The following FGF12 variants were observed in gnomAD, a reference collection of about 807,000 sequenced individuals.
The protein encoded by FGF12 is fibroblast growth factor 12B.
FGF12 carries 14 observed loss-of-function variants against 23.6 expected under a neutral mutation model. The observed-to-expected ratio is 0.59, with a 90% CI of 0.39 to 0.93. The LOEUF (loss-of-function observed/expected upper bound fraction) is 0.93, where lower values mean the gene tolerates loss of function less well. Ranked by LOEUF, FGF12 falls within the 40% of genes least tolerant of loss-of-function variation. The pLI is 0.00. For missense variants in FGF12, 175 were observed against 217.8 expected, an observed-to-expected ratio of 0.80 and a Z score of 1.24; for synonymous variants, 62 against 77.3, an observed-to-expected ratio of 0.80 and a Z score of 1.04.
intron 2 of FGF12, among the ~76,000 whole-genome samples, chr3:192,476,505 G>A (rs2108816633): frequency 6.6e-6 from 1 of 152,262 alleles, no homozygotes; most frequent in East Asian, 1.9e-4. Context: ...TTGATCAATG[G>A]CATTAAGTCC....
intron 2 of FGF12, among the ~76,000 whole-genome samples, chr3:192,573,761 GAAAC>G (rs1257714185): frequency 1.3e-5 from 2 of 152,244 alleles, no homozygotes; most frequent in East Asian, 3.9e-4. Flanking sequence ...TTGGGTATAA[GAAAC>G]AAACAGAGCA....
chr3:192,386,943 G>A (rs115987209), intron 2 of FGF12, among the ~76,000 whole-genome samples: 5 of 152,146 alleles, frequency 3.3e-5, no homozygotes, highest in African/African-American at 4.8e-5. Context: ...TCAAACCTTC[G>A]ATAAGGTTGA....
At chr3:192,712,690 TA>T (rs1317670794) in intron 2 of FGF12, among the ~76,000 whole-genome samples, 1 of 151,886 alleles carries the variant, frequency 6.6e-6, no homozygotes, top group Non-Finnish European at 1.5e-5. Context: ...AAAATGAAGA[TA>T]TTTTCCGATA....
In FGF12 at chr3:192,314,838, A is replaced by G. The variant is rs767919558; in HGVS notation, c.228+20523T>C. ...CACCTCAAATTACCCACTGAGTTAC[A>G]TGTAGAATTATGTGGAAGGCATGTG... On this transcript the variant is annotated intron_variant, in intron 4 of 5. Transcript: ENST00000445105. Among the ~76,000 whole-genome samples the G allele has an allele frequency of 3.9e-5, 6 of 152,202 alleles. No individual in the cohort carries two copies. The East Asian group carries it at 5.8e-4, about 15-fold the overall frequency.
At chr3:192,643,652 T>A (rs1715887306) in intron 2 of FGF12, among the ~76,000 whole-genome samples, 1 of 152,240 alleles carries the variant, frequency 6.6e-6, no homozygotes, top group Non-Finnish European at 1.5e-5. Context: ...GAATTCTTAA[T>A]GAACTTTATT....
In FGF12 at chr3:192,671,968, C is replaced by A. The variant is rs148105748; in HGVS notation, c.13+55213G>T. On this transcript the variant is annotated intron_variant, in intron 2 of 5. Transcript: ENST00000445105. Reference sequence around the variant, plus strand: ...CTATCACCATAGCAAGGAATTCATACAGACAAATTTCTTTATTTCACTGAT... The same window carrying A: ...CTATCACCATAGCAAGGAATTCATAAAGACAAATTTCTTTATTTCACTGAT... Among the ~76,000 whole-genome samples, 126 of 152,298 alleles carry A rather than the reference C, an allele frequency of 8.3e-4. 1 individual carries two copies. In the East Asian group the frequency reaches 0.018, roughly 22 times the overall value.
chr3:192,507,314 T>G (rs1210707766), intron 2 of FGF12, among the ~76,000 whole-genome samples: 1 of 147,702 alleles, frequency 6.8e-6, no homozygotes, highest in African/African-American at 2.5e-5. Flanking sequence ...CATTAGCAAT[T>G]TTTAATGCAT....
chr3:192,144,314 C>T (rs1026279097), intron 5 of FGF12, among the ~76,000 whole-genome samples, 187 bp from the exon 6 acceptor site: 1 of 152,074 alleles, frequency 6.6e-6, no homozygotes, highest in African/African-American at 2.4e-5. Flanking sequence ...TCAGTCACAA[C>T]CTTTTAAACT....
At chr3:192,678,491 A>G (rs1006288845) in intron 2 of FGF12, among the ~76,000 whole-genome samples, 2 of 152,120 alleles carry the variant, frequency 1.3e-5, no homozygotes, top group African/African-American at 4.8e-5. Flanking sequence ...GAAAGACTCA[A>G]ACTCGTTCAT....
intron 3 of FGF12, among the ~76,000 whole-genome samples, chr3:192,338,444 G>C (rs1352984464): frequency 6.6e-6 from 1 of 152,098 alleles, no homozygotes; most frequent in African/African-American, 2.4e-5. Context: ...CCAGATGTAG[G>C]TCCTATGGAC....
chr3:192,227,149 C>G (rs540600806), intron 4 of FGF12, among the ~76,000 whole-genome samples: 40 of 152,154 alleles, frequency 2.6e-4, no homozygotes, highest in Non-Finnish European at 5.3e-4. Context: ...TTTGTTACAG[C>G]GGCTCAAACA....
intron 3 of FGF12, among the ~76,000 whole-genome samples, chr3:192,347,822 C>A (rs1356160662): frequency 6.6e-6 from 1 of 152,114 alleles, no homozygotes; most frequent in Non-Finnish European, 1.5e-5. Flanking sequence ...GCATTGATTT[C>A]CCCTGTTGAG....
intron 4 of FGF12, among the ~76,000 whole-genome samples, chr3:192,326,339 A>G (rs1253666411): frequency 6.6e-6 from 1 of 152,188 alleles, no homozygotes; most frequent in Non-Finnish European, 1.5e-5. Flanking sequence ...TATGATAGTG[A>G]GGAAGTAAAA....
intron 4 of FGF12, among the ~76,000 whole-genome samples, chr3:192,247,810 G>C (rs1397309647): frequency 6.6e-6 from 1 of 152,092 alleles, no homozygotes; most frequent in African/African-American, 2.4e-5. Context: ...CTCTAAATAA[G>C]ACTTTACCAA....
intron 2 of FGF12, among the ~76,000 whole-genome samples, chr3:192,371,931 GC>G (rs1417660591): frequency 6.6e-6 from 1 of 152,084 alleles, no homozygotes; most frequent in African/African-American, 2.4e-5. Context: ...ACTGTGATCA[GC>G]CCACAAACCC....
intron 2 of FGF12, among the ~76,000 whole-genome samples, chr3:192,419,825 A>G (rs1376008953): frequency 6.6e-6 from 1 of 152,170 alleles, no homozygotes; most frequent in African/African-American, 2.4e-5. Flanking sequence ...ACTAACCCGG[A>G]AAGAAAGCAC....
At chr3:192,515,924 T>C (rs1724654775) in intron 2 of FGF12, among the ~76,000 whole-genome samples, 2 of 151,834 alleles carry the variant, frequency 1.3e-5, no homozygotes, top group Admixed American at 1.3e-4. Context: ...TGACAGGACG[T>C]AACCCTATGT....
At chr3:192,528,191 G>A (rs1038258277) in intron 2 of FGF12, among the ~76,000 whole-genome samples, 2 of 152,136 alleles carry the variant, frequency 1.3e-5, no homozygotes, top group African/African-American at 4.8e-5. Context: ...TTTTGCCTAT[G>A]AGCCTGTAAA....
intron 4 of FGF12, among the ~76,000 whole-genome samples, chr3:192,324,843 T>C (rs1219461978): frequency 6.6e-6 from 1 of 152,198 alleles, no homozygotes; most frequent in Non-Finnish European, 1.5e-5. Context: ...CCAAAGGTCC[T>C]CATTAGTGCT....
Sources: allele counts gnomAD v4.1 joint callset (sites outside exome capture counted in the v4.1 genomes callset), GRCh38; gene constraint gnomAD v4.1.1; transcripts MANE v1.5; gene names NCBI Gene and HGNC (gene_info 2026-07-23, HGNC 2026-07-21).